CD2AP: variants seen among roughly 807,000 people sequenced by gnomAD.
CD2AP encodes CD2-associated protein.
CD2AP carries 46 observed loss-of-function variants against 85.1 expected under a neutral mutation model. The ratio of observed to expected loss-of-function variants is 0.54; its 90% CI spans 0.43 to 0.69. The LOEUF is 0.69. Among genes scored for constraint, CD2AP ranks in the 30% least tolerant of loss-of-function variants. The pLI, the probability that CD2AP is intolerant of heterozygous loss-of-function variation, is 0.00. For synonymous variants in CD2AP, 255 were observed against 252.9 expected, an observed-to-expected ratio of 1.01 and a Z score of -0.08; for missense variants, 769 against 729.5, an observed-to-expected ratio of 1.05 and a Z score of -0.62.
In CD2AP at chr6:47,478,923, G is replaced by A. The variant is rs998894894; in HGVS notation, c.4+675G>A. Among the ~76,000 whole-genome samples, 4 of 152,090 alleles carry A rather than the reference G, an allele frequency of 2.6e-5. No homozygotes were observed. In the East Asian group the frequency reaches 7.7e-4, roughly 29 times the overall value. On this transcript the variant is annotated intron_variant, in intron 1 of 17. Coordinates refer to ENST00000359314, the MANE Select transcript of CD2AP (RefSeq NM_012120.3). Reference sequence around the variant, plus strand: ...TTGGAGTTAGACTTCCTTGCCGGAGGAGAGAAAAATACAAGGCCTTATATG... The same window carrying A: ...TTGGAGTTAGACTTCCTTGCCGGAGAAGAGAAAAATACAAGGCCTTATATG...
intron 5 of CD2AP, among the ~76,000 whole-genome samples, chr6:47,561,439 C>T (rs368356005): frequency 1.3e-5 from 2 of 152,024 alleles, no homozygotes; most frequent in Non-Finnish European, 2.9e-5. Context: ...CTTCCCTACC[C>T]TAGTCTTGGA....
At chr6:47,494,898 C>T (rs1214170011) in intron 1 of CD2AP, among the ~76,000 whole-genome samples, 1 of 152,144 alleles carries the variant, frequency 6.6e-6, no homozygotes, top group Non-Finnish European at 1.5e-5. Flanking sequence ...TGGCTCACGC[C>T]TGTTGTAATC....
chr6:47,495,140 G>C (rs113876913), intron 1 of CD2AP, among the ~76,000 whole-genome samples: 8 of 152,292 alleles, frequency 5.3e-5, no homozygotes, highest in African/African-American at 1.9e-4. Flanking sequence ...TCCAGCCTGG[G>C]TGACAGAGTA....
intron 2 of CD2AP, among the ~76,000 whole-genome samples, chr6:47,512,643 T>C (rs1395526771): frequency 6.6e-6 from 1 of 152,260 alleles, no homozygotes; most frequent in African/African-American, 2.4e-5. Flanking sequence ...ACAAAGGATA[T>C]TGAACACAAG....
chr6:47,490,551 T>C (rs1476596318), intron 1 of CD2AP, among the ~76,000 whole-genome samples: 1 of 152,174 alleles, frequency 6.6e-6, no homozygotes, highest in East Asian at 1.9e-4. Flanking sequence ...TTTTTGTTTT[T>C]AAGATTTATT....
At chr6:47,568,791 A>C (rs957777394) in intron 5 of CD2AP, among the ~76,000 whole-genome samples, 1 of 152,090 alleles carries the variant, frequency 6.6e-6, no homozygotes, top group African/African-American at 2.4e-5. Context: ...TAGATGACCT[A>C]GGGAGAATAT....
At chr6:47,587,370 T>C (rs1340187875) in intron 11 of CD2AP, among the ~76,000 whole-genome samples, 2 of 152,178 alleles carry the variant, frequency 1.3e-5, no homozygotes, top group Admixed American at 1.3e-4. Flanking sequence ...TTTGGACTCT[T>C]AAGTGATTCC....
At chr6:47,482,360 G>A (rs998945353) in intron 1 of CD2AP, among the ~76,000 whole-genome samples, 12 of 149,902 alleles carry the variant, frequency 8.0e-5, no homozygotes, top group Admixed American at 6.6e-4. Flanking sequence ...TGAGCCGGAA[G>A]TTTGCTTTGT....
chr6:47,486,427 C>CGA (rs199920707), intron 1 of CD2AP, among the ~76,000 whole-genome samples: 1 of 151,848 alleles, frequency 6.6e-6, no homozygotes, highest in East Asian at 1.9e-4. Flanking sequence ...GAAAAATAAA[C>CGA]GAGAGAGAGA....
rs761810631 is a variant in CD2AP, at chr6:47,577,028, A to G, written c.828A>G (p.Thr276=). 6.7e-6 allele frequency: 10 copies of G among 1,500,030 alleles called. No homozygotes were observed. The Middle Eastern group carries it at 8.5e-4, about 128-fold the overall frequency. 92.9% of individuals were successfully genotyped at this position (1,500,030 alleles called of 1,614,324 possible). A position where few individuals can be genotyped will look rare whatever the true frequency, so the allele number is the denominator to read the frequency against. ...TTTCAGCTAAAGAATATTGTAGAAC[A>G]TTATTTGCCTATGAAGGTACTAATG... is the stretch of plus-strand genomic sequence containing the variant. ...GKIKAKEYCR[T]LFAYEGTNED... Residue 276 remains threonine (T), a synonymous_variant, in exon 8 of 18, where the codon ACA becomes ACG. Transcript: ENST00000359314.
rs1214291724 is a variant in CD2AP, at chr6:47,478,052, G to C, written c.-193G>C. 1 of 702,748 alleles carries C rather than the reference G, an allele frequency of 1.4e-6. No individual in the cohort carries two copies. The allele number at this position is 702,748 out of a possible 1,614,324, so 43.5% of individuals were successfully genotyped here. ...CTGTCGCCGCCTTTGCCTCTGCCTC[G>C]AGGGCCGCGCTGAAGAGACTGGTAG... is the stretch of plus-strand genomic sequence containing the variant. On this transcript the variant is annotated 5_prime_UTR_variant, in exon 1 of 18. Coordinates refer to ENST00000359314, the MANE Select transcript of CD2AP (RefSeq NM_012120.3).
rs1458126295 is a variant in CD2AP at position 47,625,639 on chromosome 6, T to C, written c.*1412T>C. On this transcript the variant is annotated 3_prime_UTR_variant, in exon 18 of 18. Coordinates refer to ENST00000359314, the MANE Select transcript of CD2AP (RefSeq NM_012120.3). ...GTGTCAGATTTTTGAGTACCAATGA[T>C]CATGCTTCCATTTTTTTTAGTTTTA... The C allele has an allele frequency of 6.6e-6, 1 of 151,806 alleles. No individual in the cohort carries two copies. The highest frequency in any genetic ancestry group is 1.5e-5 in the Non-Finnish European group (1 of 67,748). The allele number at this position is 151,806 out of a possible 1,614,324, so 9.4% of individuals were successfully genotyped here.
chr6:47,495,803 T>A (rs943691598), intron 1 of CD2AP, among the ~76,000 whole-genome samples: 3 of 152,194 alleles, frequency 2.0e-5, no homozygotes, highest in African/African-American at 7.2e-5. Context: ...ATTTGTTTGT[T>A]CTTTCTCCCC....
chr6:47,612,613 G>T, intron 17 of CD2AP, 77 bp downstream of exon 17: 1 of 944,974 alleles, frequency 1.1e-6, no homozygotes. Context: ...CTGGGTAATC[G>T]GTTCCTGTAC....
rs760269835 is a variant in CD2AP at position 47,503,260 on chromosome 6, G to GT, written c.5-14dup. The GT allele has an allele frequency of 5.0e-6, 8 of 1,610,318 alleles. No individual in the cohort carries two copies. The East Asian group carries it at 6.7e-5, about 13-fold the overall frequency. On this transcript the variant is annotated intron_variant, in intron 1 of 17. Transcript: ENST00000359314. ...TTGTGAATTAGATTTTAGACATTTC[G>GT]TTTTTTCCCCCTTTTTTAGTTGACT...
At chr6:47,600,172 C>T (rs551524008) in intron 13 of CD2AP, among the ~76,000 whole-genome samples, 2 of 151,874 alleles carry the variant, frequency 1.3e-5, no homozygotes, top group East Asian at 3.9e-4. Flanking sequence ...CTTAGTTTAA[C>T]TCTAGGAAGC....
chr6:47,556,861 A>C (rs1479612448), intron 5 of CD2AP, among the ~76,000 whole-genome samples: 1 of 152,064 alleles, frequency 6.6e-6, no homozygotes, highest in Non-Finnish European at 1.5e-5. Flanking sequence ...TGCTGGGTCA[A>C]ATGGTATTTC....
chr6:47,522,226 A>T (rs950252761), intron 2 of CD2AP, among the ~76,000 whole-genome samples: 4 of 152,180 alleles, frequency 2.6e-5, no homozygotes, highest in Admixed American at 6.5e-5. Context: ...ACAGAGAGTC[A>T]TGGAAAAAGC....
chr6:47,608,010 T>C lies in CD2AP; in HGVS notation c.1614T>C (p.Asp538=). The change falls in exon 15 of 18, where the codon GAT becomes GAC. Residue 538 remains aspartate (D), a synonymous_variant. Transcript: ENST00000359314. ...TGAAGCCATCTGAATTAAAAAAAGA[T>C]ACATGCTACTCTCCAAAGGTGAGGT... The part of the protein sequence containing the change: ...ANLKPSELKK[D]TCYSPKPSVY... 2 of 1,611,394 alleles carry C rather than the reference T, an allele frequency of 1.2e-6. No homozygotes were observed. The highest frequency in any genetic ancestry group is 1.1e-5 in the South Asian group (1 of 91,028).
Sources: gnomAD v4.1 joint callset for allele counts (sites outside exome capture counted in the v4.1 genomes callset) on GRCh38, gnomAD v4.1.1 for gene constraint, MANE v1.5 for transcripts, NCBI Gene and HGNC (gene_info 2026-07-23, HGNC 2026-07-21) for gene names.